Variants in WDR62 observed in about 807,000 individuals in gnomAD.
WDR62 encodes WD repeat domain 62, also known as WD repeat-containing protein 62.
In WDR62, 112 loss-of-function variants were observed where a neutral mutation model predicts 160.6. The observed-to-expected ratio is 0.70, with a 90% confidence interval of 0.60 to 0.82. The LOEUF (loss-of-function observed/expected upper bound fraction) is 0.82. WDR62 is among the 40% of genes least tolerant of loss of function. The probability of loss-of-function intolerance (pLI) is 0.00; values close to 1 mark genes in which losing one functional copy is unlikely to be tolerated. For missense variants in WDR62, 1,819 were observed against 1,983.8 expected (o/e 0.92, Z 1.58); for synonymous variants, 792 against 815.1 (o/e 0.97, Z 0.48).
chr19:36,077,344 G>C (rs534093081), intron 9 of WDR62, among the ~76,000 whole-genome samples: 6 of 132,206 alleles, frequency 4.5e-5, no homozygotes, highest in South Asian at 2.6e-4. Context: ...GCAGTGGCAC[G>C]ATCTCGGCTC....
Position 36,101,667 on chromosome 19 carries a change from CGGG to C in WDR62, c.2978_2980del (p.Gly993del). On this transcript the variant is annotated inframe_deletion, in exon 25 of 32. Coordinates refer to ENST00000401500, the MANE Select transcript of WDR62 (RefSeq NM_001083961.2). ...TGACCCCGACTCTGTCCTTCAGACT[CGGG>C]GGAGTCAGAGGCCGACCTGGAGTGC... 1 of 1,550,408 alleles carries C rather than the reference CGGG, an allele frequency of 6.4e-7. No homozygotes were observed. Among genetic ancestry groups the C allele is most frequent in the South Asian group, 1.2e-5 (1 of 84,044 alleles).
chr19:36,069,544 C>G (rs1299528683), intron 7 of WDR62, among the ~76,000 whole-genome samples: 2 of 146,458 alleles, frequency 1.4e-5, no homozygotes, highest in Non-Finnish European at 3.0e-5. Flanking sequence ...ACATCCCAGA[C>G]GATGGGCGGC....
chr19:36,091,729 T>G (rs1972621392), intron 18 of WDR62, among the ~76,000 whole-genome samples: 1 of 151,498 alleles, frequency 6.6e-6, no homozygotes, highest in African/African-American at 2.4e-5. Flanking sequence ...AAACCCTATC[T>G]CTACAAAAAA....
intron 6 of WDR62, 21 bp downstream of exon 6, chr19:36,067,464 C>T (rs1226050117): frequency 6.2e-7 from 1 of 1,614,010 alleles, no homozygotes; most frequent in Non-Finnish European, 8.5e-7. Flanking sequence ...GTCCCTGCCC[C>T]TTTAGCCAGG....
At chr19:36,093,999 T>G (rs1298294404) in intron 19 of WDR62, 32 bp from the exon 20 acceptor site, 1 of 1,612,750 alleles carries the variant, frequency 6.2e-7, no homozygotes, top group Admixed American at 1.7e-5. Flanking sequence ...TTGCCTGTAT[T>G]CTCTCCTTAC....
chr19:36,103,098 CAG>C (rs764470712), intron 28 of WDR62, 24 bp downstream of exon 28: 10 of 1,614,062 alleles, frequency 6.2e-6, no homozygotes, highest in Non-Finnish European at 8.5e-6. Context: ...CCACCTCCGT[CAG>C]GGCACGGGGC....
chr19:36,078,850 A>C (rs1183021882), intron 9 of WDR62, among the ~76,000 whole-genome samples: 2 of 150,404 alleles, frequency 1.3e-5, no homozygotes, highest in Non-Finnish European at 3.0e-5. Flanking sequence ...AAAAAAAAAA[A>C]CAAAGTAAGT....
Position 36,099,386 on chromosome 19 carries a change from G to T in WDR62, c.2521-13G>T. The T allele has an allele frequency of 1.8e-5, 29 of 1,611,836 alleles. 1 individual carries two copies. Among genetic ancestry groups the T allele is most frequent in the Non-Finnish European group, 2.5e-5 (29 of 1,179,330 alleles). On this transcript the variant is annotated splice_polypyrimidine_tract_variant and intron_variant, in intron 21 of 31. Transcript: ENST00000401500. ...CACTCAGCCAGTTGCCTGACTGTCC[G>T]ATATCCTTCAAGCTAGGGGACGATG...
chr19:36,096,029 T>C (rs1418808012), intron 20 of WDR62, among the ~76,000 whole-genome samples: 2 of 152,348 alleles, frequency 1.3e-5, no homozygotes, highest in South Asian at 2.1e-4. Flanking sequence ...ATGTGAGGAC[T>C]TCTCCAGGAG....
At position 36,102,717 on chromosome 19, in the gene WDR62, C is replaced by A; in HGVS notation, c.3221-20C>A. ...CTCGGCGGGAAGGGTTATGAGGGTC[C>A]CCTCGGGATCTTCCCCTAGAGCTCT... is the stretch of plus-strand genomic sequence containing the variant. On this transcript the variant is annotated intron_variant, in intron 26 of 31. Transcript: ENST00000401500. 6.2e-7 allele frequency: 1 copy of A among 1,611,132 alleles called. No individual in the cohort carries two copies. Among genetic ancestry groups the A allele is most frequent in the Non-Finnish European group, 8.5e-7 (1 of 1,177,312 alleles).
intron 5 of WDR62, among the ~76,000 whole-genome samples, chr19:36,066,935 T>C (rs887746291): frequency 2.6e-5 from 4 of 152,252 alleles, no homozygotes; most frequent in Non-Finnish European, 4.4e-5. Context: ...TTTCATGGGT[T>C]ATCCTGTGAA....
Position 36,101,779 on chromosome 19 carries a change from G to C in WDR62, c.3082+5G>C, listed in dbSNP as rs1973359117. ...CGTCGCTGCCCCATTTCCCAGGTAA[G>C]CAGGGGCCAGACACGCAGGGGACTC... On this transcript the variant is annotated splice_donor_5th_base_variant and intron_variant, in intron 25 of 31. Coordinates refer to ENST00000401500, the MANE Select transcript of WDR62 (RefSeq NM_001083961.2). 1.3e-6 allele frequency: 2 copies of C among 1,550,898 alleles called. No individual in the cohort carries two copies. Among genetic ancestry groups the C allele is most frequent in the Admixed American group, 2.0e-5 (1 of 51,064 alleles).
rs368015575 is a variant in WDR62, at chr19:36,094,165, G to A, written c.2467+1G>A. ...CCATCCAAAGATAGCTTGGATCCAG[G>A]TTGGAAAAGGGGCCCTATTTTGAAC... On this transcript the variant is annotated splice_donor_variant, in intron 20 of 31. Coordinates refer to ENST00000401500, the MANE Select transcript of WDR62 (RefSeq NM_001083961.2). LOFTEE classifies it high-confidence loss of function. The A allele has an allele frequency of 1.2e-6, 2 of 1,613,912 alleles. No homozygotes were observed. The highest frequency in any genetic ancestry group is 1.3e-5 in the African/African-American group (1 of 74,918).
At position 36,104,689 on chromosome 19, in the gene WDR62, C is replaced by A; in HGVS notation, c.4311+14C>A. 6.2e-7 allele frequency: 1 copy of A among 1,614,056 alleles called. No individual in the cohort carries two copies. The highest frequency in any genetic ancestry group is 1.1e-5 in the South Asian group (1 of 91,084). On this transcript the variant is annotated intron_variant, in intron 31 of 31. Transcript: ENST00000401500. Reference sequence around the variant, plus strand: ...CTTTACCGTGTGGTGAGCTAAGCCCCAGAGTTGGGAAAGGGTTGAGGGGTC... The same window carrying A: ...CTTTACCGTGTGGTGAGCTAAGCCCAAGAGTTGGGAAAGGGTTGAGGGGTC...
In WDR62 at chr19:36,073,340, A is replaced by AGAAG; in HGVS notation, c.1044-1_1044insAAGG. The AGAAG allele has an allele frequency of 6.2e-7, 1 of 1,614,126 alleles. No homozygotes were observed. The highest frequency in any genetic ancestry group is 8.5e-7 in the Non-Finnish European group (1 of 1,180,002). The stretch of plus-strand genomic sequence containing the variant: ...GATTGATTACCCATGTGGCCTTGTT[A>AGAAG]GCTTCCTCTTCCACAGGAAGGCGGA... On this transcript the variant is annotated splice_acceptor_variant, in intron 8 of 31. Transcript: ENST00000401500. LOFTEE classifies it high-confidence loss of function.
At chr19:36,092,541 C>G (rs533756099) in intron 18 of WDR62, 148 bp from the exon 19 acceptor site, 3 of 1,161,834 alleles carry the variant, frequency 2.6e-6, no homozygotes, top group Non-Finnish European at 2.5e-6. Context: ...TCCAGCACCC[C>G]TGCACTAAGC....
chr19:36,071,835 T>C, intron 8 of WDR62, 119 bp downstream of exon 8: 1 of 1,339,018 alleles, frequency 7.5e-7, no homozygotes, highest in Non-Finnish European at 1.0e-6. Flanking sequence ...CCATCATGAC[T>C]CTCAGCCCTG....
At chr19:36,110,494 G>GA in the WDR62 span, among the ~76,000 whole-genome samples, 1 of 152,126 alleles carries the variant, frequency 6.6e-6, no homozygotes, top group Admixed American at 6.6e-5. Context: ...AAAAATAGGA[G>GA]ACCCCCTTTT....
chr19:36,104,103 T>A, intron 30 of WDR62, 122 bp downstream of exon 30: 1 of 1,266,414 alleles, frequency 7.9e-7, no homozygotes, highest in Non-Finnish European at 1.1e-6. Flanking sequence ...ATTCGTGCAT[T>A]AACTTAAATA....
Sources: allele counts gnomAD v4.1 joint callset (sites outside exome capture counted in the v4.1 genomes callset), GRCh38; gene constraint gnomAD v4.1.1; transcripts MANE v1.5; gene names NCBI Gene and HGNC (gene_info 2026-07-23, HGNC 2026-07-21).